SCAPER: variants seen among roughly 807,000 people sequenced by gnomAD.
SCAPER encodes the protein S-phase cyclin A associated protein in the ER.
SCAPER carries 98 observed loss-of-function variants against 182.2 expected under a neutral mutation model. The observed-to-expected ratio is 0.54, with a 90% CI of 0.46 to 0.64. The LOEUF (loss-of-function observed/expected upper bound fraction) is 0.64. Ranked by LOEUF, SCAPER falls within the 30% of genes least tolerant of loss-of-function variation. The probability of loss-of-function intolerance (pLI) is 0.00; values close to 1 mark genes in which losing one functional copy is unlikely to be tolerated. For missense variants in SCAPER, 1,432 were observed against 1,690.0 expected, an observed-to-expected ratio of 0.85 and a Z score of 2.68; for synonymous variants, 605 against 564.6, an observed-to-expected ratio of 1.07 and a Z score of -1.01.
chr15:76,590,796 T>A (rs2049047872), intron 22 of SCAPER, among the ~76,000 whole-genome samples: 1 of 152,178 alleles, frequency 6.6e-6, no homozygotes, highest in South Asian at 2.1e-4. Context: ...TAAGTGTCCA[T>A]CAACAGATGA....
intron 24 of SCAPER, among the ~76,000 whole-genome samples, chr15:76,478,145 A>C (rs527883668): frequency 6.6e-6 from 1 of 151,966 alleles, no homozygotes; most frequent in Non-Finnish European, 1.5e-5. Context: ...TGATTTAGGC[A>C]TAAGGGAAAA....
chr15:76,576,686 T>A (rs1273528474), intron 22 of SCAPER, among the ~76,000 whole-genome samples: 1 of 152,000 alleles, frequency 6.6e-6, no homozygotes, highest in Non-Finnish European at 1.5e-5. Flanking sequence ...ATGCCACCCC[T>A]CCCTCCTACC....
intron 5 of SCAPER, among the ~76,000 whole-genome samples, chr15:76,840,351 T>G (rs929135895): frequency 1.3e-5 from 2 of 149,954 alleles, no homozygotes; most frequent in African/African-American, 4.9e-5. Context: ...GCCCAGAAGG[T>G]CAAGGCTTCG....
intron 29 of SCAPER, among the ~76,000 whole-genome samples, chr15:76,360,417 C>T (rs1340135119): frequency 1.3e-5 from 2 of 152,322 alleles, no homozygotes; most frequent in African/African-American, 2.4e-5. Flanking sequence ...TCCTCCAGCT[C>T]GTCATTGGTA....
intron 27 of SCAPER, among the ~76,000 whole-genome samples, chr15:76,390,086 A>G (rs184805483): frequency 7.9e-5 from 12 of 152,134 alleles, no homozygotes; most frequent in African/African-American, 2.9e-4. Context: ...CCTCCCAAGT[A>G]GCTGGGACTA....
chr15:76,695,154 G>A (rs2058584273), intron 20 of SCAPER, among the ~76,000 whole-genome samples: 1 of 152,124 alleles, frequency 6.6e-6, no homozygotes, highest in Admixed American at 6.5e-5. Context: ...TTAGCTACTA[G>A]TGTAACTCTA....
At chr15:76,627,571 G>C (rs543775469) in intron 21 of SCAPER, among the ~76,000 whole-genome samples, 3 of 152,206 alleles carry the variant, frequency 2.0e-5, no homozygotes, top group Admixed American at 2.0e-4. Flanking sequence ...GTGTTAGTTT[G>C]CTGAGGATAA....
At chr15:76,632,084 A>G (rs1694786264) in intron 21 of SCAPER, among the ~76,000 whole-genome samples, 1 of 152,042 alleles carries the variant, frequency 6.6e-6, no homozygotes, top group Non-Finnish European at 1.5e-5. Flanking sequence ...TTGGCGACTG[A>G]TACTTGTGTT....
In SCAPER at chr15:76,434,318, A is replaced by G. The variant is rs1477166071; in HGVS notation, c.3079-8T>C. The G allele has an allele frequency of 4.5e-6, 7 of 1,553,960 alleles. No homozygotes were observed. Among genetic ancestry groups the G allele is most frequent in the Non-Finnish European group, 6.2e-6 (7 of 1,136,926 alleles). ...TTCATCTGGAACATAAACCTAGATG[A>G]AAAAAAAGTACAGTAAATATGTTTC... On this transcript the variant is annotated splice_polypyrimidine_tract_variant and splice_region_variant and intron_variant, in intron 25 of 31. Transcript: ENST00000563290.
chr15:76,679,959 C>A (rs1342651577), intron 20 of SCAPER, among the ~76,000 whole-genome samples: 1 of 152,126 alleles, frequency 6.6e-6, no homozygotes, highest in Admixed American at 6.5e-5. Flanking sequence ...CTGAACCATG[C>A]CTTGTAATGA....
At chr15:76,727,656 G>GA (rs970843173) in intron 17 of SCAPER, among the ~76,000 whole-genome samples, 9 of 151,870 alleles carry the variant, frequency 5.9e-5, no homozygotes, top group African/African-American at 1.7e-4. Flanking sequence ...ACTTAGGATA[G>GA]AAAAAGATTT....
intron 23 of SCAPER, among the ~76,000 whole-genome samples, chr15:76,559,380 C>T (rs1287267717): frequency 6.6e-6 from 1 of 151,956 alleles, no homozygotes; most frequent in South Asian, 2.1e-4. Context: ...TTATAAGGGG[C>T]TCTTTCCCCT....
intron 15 of SCAPER, among the ~76,000 whole-genome samples, chr15:76,752,237 TAGAG>T (rs1042095353): frequency 6.6e-6 from 1 of 151,520 alleles, no homozygotes; most frequent in Non-Finnish European, 1.5e-5. Flanking sequence ...TGATGGGAGT[TAGAG>T]AGGATATGGA....
rs139456279 is a variant in SCAPER, at chr15:76,540,386, C to T, written c.2838+33772G>A. On this transcript the variant is annotated intron_variant, in intron 23 of 31. Coordinates refer to ENST00000563290, the MANE Select transcript of SCAPER (RefSeq NM_020843.4). ...ACTGTGCTCCAGCCTGGGCAACAAA[C>T]CAAGACCCTGTCTCTAAAAAAATTT... is the stretch of plus-strand genomic sequence containing the variant. Among the ~76,000 whole-genome samples, 895 of 151,956 alleles carry T rather than the reference C, an allele frequency of 5.9e-3. 4 individuals are homozygous for T. The highest frequency in any genetic ancestry group is 0.021 in the African/African-American group (862 of 41,446).
chr15:76,846,282 G>A (rs1251801110), intron 4 of SCAPER, among the ~76,000 whole-genome samples: 3 of 151,844 alleles, frequency 2.0e-5, no homozygotes, highest in Non-Finnish European at 4.4e-5. Flanking sequence ...CACTGGTCTG[G>A]GCAAAAATTT....
At chr15:76,794,020 G>A (rs1223195931) in intron 8 of SCAPER, among the ~76,000 whole-genome samples, 1 of 152,222 alleles carries the variant, frequency 6.6e-6, no homozygotes, top group Non-Finnish European at 1.5e-5. Context: ...GTGATCAGAG[G>A]TCACAGAAGT....
At chr15:76,569,727 T>C (rs1302349063) in intron 23 of SCAPER, among the ~76,000 whole-genome samples, 1 of 152,074 alleles carries the variant, frequency 6.6e-6, no homozygotes, top group Non-Finnish European at 1.5e-5. Flanking sequence ...TCATTTTCTA[T>C]ATCTTTTTCT....
At chr15:76,603,791 G>A (rs539073032) in intron 22 of SCAPER, among the ~76,000 whole-genome samples, 1,313 of 122,232 alleles carry the variant, frequency 0.011, 151 homozygotes, top group African/African-American at 0.031. Flanking sequence ...GTGATGATGA[G>A]CATTTTTTCA....
intron 17 of SCAPER, among the ~76,000 whole-genome samples, chr15:76,718,446 T>G (rs945469282): frequency 2.0e-5 from 3 of 151,998 alleles, no homozygotes; most frequent in Non-Finnish European, 2.9e-5. Flanking sequence ...CCCAGCACTT[T>G]GGGAGGCAAA....
Sources: gnomAD v4.1 joint callset for allele counts (sites outside exome capture counted in the v4.1 genomes callset) on GRCh38, gnomAD v4.1.1 for gene constraint, MANE v1.5 for transcripts, NCBI Gene and HGNC (gene_info 2026-07-23, HGNC 2026-07-21) for gene names.